SSBP3: variants seen among roughly 807,000 people sequenced by gnomAD.
SSBP3 encodes the protein single-stranded DNA-binding protein 3.
A neutral mutation model predicts 69.6 loss-of-function variants in SSBP3; 5 were observed. That is an observed-to-expected ratio of 0.07 (90% CI 0.04 to 0.15). SSBP3 has a LOEUF of 0.15. Ranked by LOEUF, SSBP3 falls within the 10% of genes least tolerant of loss-of-function variation. SSBP3 has a pLI of 1.00. For synonymous variants in SSBP3, 196 were observed against 193.4 expected (o/e 1.01, Z -0.11); for missense variants, 312 against 534.0 (o/e 0.58, Z 4.10).
chr1:54,252,193 T>C (rs1242199284), intron 7 of SSBP3, among the ~76,000 whole-genome samples: 1 of 152,204 alleles, frequency 6.6e-6, no homozygotes, highest in Admixed American at 6.5e-5. Context: ...GCTCTGGCTG[T>C]AGCACCAACC....
At chr1:54,349,968 C>A (rs1557554375) in intron 4 of SSBP3, among the ~76,000 whole-genome samples, 1 of 152,136 alleles carries the variant, frequency 6.6e-6, no homozygotes, top group Admixed American at 6.5e-5. Flanking sequence ...TTGAACCCTT[C>A]TGCCCCAAAT....
At position 54,251,179 on chromosome 1, in the gene SSBP3, C is replaced by T. The variant is rs564363449; in HGVS notation, c.651+437G>A. 3.9e-5 allele frequency among the ~76,000 whole-genome samples: 6 copies of T among 152,288 alleles called. 1 individual carries two copies. The highest frequency in any genetic ancestry group is 4.1e-4 in the South Asian group (2 of 4,822). On this transcript the variant is annotated intron_variant, in intron 9 of 17. Coordinates refer to ENST00000610401, the Ensembl canonical transcript of SSBP3. ...ATCCAAGGACAGACACATGCTAAGT[C>T]GCAGGCAGAGCTAGGAAGGCCACTC...
chr1:54,302,568 ATTTG>A (rs1645822794), intron 4 of SSBP3, among the ~76,000 whole-genome samples: 1 of 152,074 alleles, frequency 6.6e-6, no homozygotes, highest in Non-Finnish European at 1.5e-5. Context: ...TTCCTTTAAT[ATTTG>A]TTTCTTTCTC....
intron 14 of SSBP3, among the ~76,000 whole-genome samples, chr1:54,232,467 G>A (rs147252705): frequency 2.3e-4 from 35 of 152,262 alleles, no homozygotes; most frequent in African/African-American, 7.2e-4. Flanking sequence ...AAGCATGGTG[G>A]CTCGCACCTG....
chr1:54,337,370 G>A (rs1453400337), intron 4 of SSBP3, among the ~76,000 whole-genome samples: 3 of 151,888 alleles, frequency 2.0e-5, no homozygotes, highest in Admixed American at 6.6e-5. Flanking sequence ...CCCTCTCAAG[G>A]AAGAGGCGCA....
chr1:54,405,904 GCC>G, intron 1 of SSBP3, 47 bp downstream of exon 1: 3 of 408,792 alleles, frequency 7.3e-6, no homozygotes, highest in Admixed American at 4.5e-5. Flanking sequence ...CCGCCCGCCC[GCC>G]CGCAGCCCGG....
chr1:54,303,538 C>T (rs1645842572), intron 4 of SSBP3, among the ~76,000 whole-genome samples: 1 of 152,204 alleles, frequency 6.6e-6, no homozygotes, highest in South Asian at 2.1e-4. Context: ...ATGAGGTGCA[C>T]ATAAGCTCGG....
intron 4 of SSBP3, among the ~76,000 whole-genome samples, chr1:54,290,823 G>A (rs1444484169): frequency 6.6e-6 from 1 of 152,242 alleles, no homozygotes. Context: ...ATCCCCCCTA[G>A]ATGAACACTG....
chr1:54,411,055 A>G (rs148550093), upstream of SSBP3, among the ~76,000 whole-genome samples: 1,388 of 152,382 alleles, frequency 9.1e-3, 13 homozygotes, highest in Middle Eastern at 0.014. Flanking sequence ...CTCCTGAGCC[A>G]ATTTGTCATA....
intron 4 of SSBP3, chr1:54,335,848 A>G (rs1646498238): frequency 6.6e-6 from 1 of 152,356 alleles, no homozygotes; most frequent in African/African-American, 2.4e-5. Context: ...GCAGCAACGC[A>G]GAGGAATTCC....
rs547270972 is a variant in SSBP3 at position 54,380,751 on chromosome 1, G to C, written c.276+21110C>G. On this transcript the variant is annotated intron_variant, in intron 4 of 17. Coordinates refer to ENST00000610401, the Ensembl canonical transcript of SSBP3. Reference sequence around the variant, plus strand: ...TGTAATGCCCCACCCCCAACCATGGGGTTGGGGGTGTTGGTAAAGCCTAGA... The same window carrying C: ...TGTAATGCCCCACCCCCAACCATGGCGTTGGGGGTGTTGGTAAAGCCTAGA... 2.5e-3 allele frequency among the ~76,000 whole-genome samples: 382 copies of C among 152,260 alleles called. 1 individual carries two copies. Among genetic ancestry groups the C allele is most frequent in the Non-Finnish European group, 4.2e-3 (289 of 68,018 alleles).
intron 4 of SSBP3, among the ~76,000 whole-genome samples, chr1:54,383,117 T>C (rs754514602): frequency 6.6e-6 from 1 of 151,996 alleles, no homozygotes; most frequent in Admixed American, 6.5e-5. Context: ...CTCATGCCTG[T>C]AATCCCAGCA....
chr1:54,316,730 A>AAAATT (rs1646121818), intron 4 of SSBP3, among the ~76,000 whole-genome samples: 1 of 150,280 alleles, frequency 6.7e-6, no homozygotes, highest in African/African-American at 2.4e-5. Context: ...AAAATAAAAT[A>AAAATT]AAAATGTCTT....
intron 5 of SSBP3, among the ~76,000 whole-genome samples, chr1:54,265,017 AG>A (rs957324237): frequency 3.3e-5 from 5 of 152,194 alleles, no homozygotes; most frequent in African/African-American, 1.2e-4. Flanking sequence ...ACACAGCAAA[AG>A]GCACTTGATA....
At chr1:54,352,061 C>T (rs1049713838) in intron 4 of SSBP3, among the ~76,000 whole-genome samples, 9 of 152,058 alleles carry the variant, frequency 5.9e-5, no homozygotes, top group South Asian at 4.1e-4. Context: ...CTTGGGAGGT[C>T]GAGGCAGGAG....
chr1:54,298,825 C>T (rs1035840097), intron 4 of SSBP3, among the ~76,000 whole-genome samples: 5 of 152,116 alleles, frequency 3.3e-5, no homozygotes, highest in Non-Finnish European at 5.9e-5. Flanking sequence ...TGAGCAAATA[C>T]GCGTCGCCCA....
chr1:54,376,165 T>TTCACTC (rs1647228169), intron 4 of SSBP3, among the ~76,000 whole-genome samples: 1 of 150,920 alleles, frequency 6.6e-6, no homozygotes, highest in African/African-American at 2.4e-5. Context: ...CCCTCCACCC[T>TTCACTC]GTTCACTCGT....
At chr1:54,232,072 TTG>T (rs1034697990) in intron 14 of SSBP3, among the ~76,000 whole-genome samples, 1 of 152,234 alleles carries the variant, frequency 6.6e-6, no homozygotes, top group Non-Finnish European at 1.5e-5. Flanking sequence ...GGATATTCAG[TTG>T]TCTCAGCATC....
intron 5 of SSBP3, among the ~76,000 whole-genome samples, chr1:54,259,010 G>A (rs1317711638): frequency 6.6e-6 from 1 of 152,148 alleles, no homozygotes; most frequent in African/African-American, 2.4e-5. Flanking sequence ...TGAAACCCAA[G>A]AGTTCCGGTG....
Sources: gnomAD v4.1 joint callset for allele counts (sites outside exome capture counted in the v4.1 genomes callset) on GRCh38, gnomAD v4.1.1 for gene constraint, MANE v1.5 for transcripts, NCBI Gene and HGNC (gene_info 2026-07-23, HGNC 2026-07-21) for gene names.